CNTRL: variants seen among roughly 807,000 people sequenced by gnomAD.
The protein encoded by CNTRL is centriolin, also known as 110 kDa centrosomal protein.
CNTRL carries 233 observed loss-of-function variants against 303.7 expected under a neutral mutation model. The observed-to-expected ratio is 0.77, with a 90% CI of 0.69 to 0.86. The LOEUF (loss-of-function observed/expected upper bound fraction) is 0.86, where lower values mean the gene tolerates loss of function less well. Ranked by LOEUF, CNTRL falls within the 40% of genes least tolerant of loss-of-function variation. The probability of loss-of-function intolerance (pLI) is 0.00; values close to 1 mark genes in which losing one functional copy is unlikely to be tolerated. For synonymous variants in CNTRL, 900 were observed against 922.2 expected, an observed-to-expected ratio of 0.98 and a Z score of 0.44; for missense variants, 2,524 against 2,650.6, an observed-to-expected ratio of 0.95 and a Z score of 1.05.
chr9:121,125,593 A>G, intron 13 of CNTRL, 123 bp from the exon 14 acceptor site: 1 of 859,140 alleles, frequency 1.2e-6, no homozygotes, highest in Non-Finnish European at 1.8e-6. Context: ...ATGTTTTGAA[A>G]AAGAAAAATG....
intron 7 of CNTRL, 148 bp downstream of exon 7, chr9:121,098,720 G>C (rs2048995966): frequency 1.6e-6 from 1 of 618,076 alleles, no homozygotes; most frequent in Non-Finnish European, 2.7e-6. Flanking sequence ...AATATTTACT[G>C]AGTGTGTACT....
At chr9:121,122,482 C>A in intron 12 of CNTRL, 1 of 755,652 alleles carries the variant, frequency 1.3e-6, no homozygotes, top group Non-Finnish European at 1.6e-6. Flanking sequence ...GGGTCTTAGA[C>A]TTGAGATCAT....
At chr9:121,085,473 T>C (rs1181744614) in intron 2 of CNTRL, among the ~76,000 whole-genome samples, 3 of 152,326 alleles carry the variant, frequency 2.0e-5, no homozygotes, top group Non-Finnish European at 4.4e-5. Context: ...GTTGAAAGTA[T>C]GGTTTTTAAA....
At chr9:121,125,582 T>C (rs1470859977) in intron 13 of CNTRL, 134 bp from the exon 14 acceptor site, 2 of 751,860 alleles carry the variant, frequency 2.7e-6, no homozygotes. Context: ...AATTTAACAT[T>C]ATGTTTTGAA....
intron 4 of CNTRL, 21 bp from the exon 5 acceptor site, chr9:121,094,863 TATTC>T (rs777184489): frequency 6.6e-7 from 1 of 1,505,782 alleles, no homozygotes; most frequent in African/African-American, 1.4e-5. Flanking sequence ...TTGTGTAAAG[TATTC>T]ATTCATTTGT....
At chr9:121,147,887 C>T (rs980817340) in intron 23 of CNTRL, among the ~76,000 whole-genome samples, 4 of 152,100 alleles carry the variant, frequency 2.6e-5, no homozygotes, top group Admixed American at 1.3e-4. Flanking sequence ...AACATATAAG[C>T]CTGAGCTGGG....
Position 121,148,716 on chromosome 9 carries a change from C to T in CNTRL, c.3504C>T (p.Gly1168=). 1 of 1,614,080 alleles carries T rather than the reference C, an allele frequency of 6.2e-7. No individual in the cohort carries two copies. Among genetic ancestry groups the T allele is most frequent in the Non-Finnish European group, 8.5e-7 (1 of 1,179,970 alleles). ...SSQATKDSGV[G]LKYSASTPVR... Reference sequence around the variant, plus strand: ...AGGCCACCAAGGACTCTGGTGTTGGCCTTAAGTACTCAGCCTCAACTCCTG... The same window carrying T: ...AGGCCACCAAGGACTCTGGTGTTGGTCTTAAGTACTCAGCCTCAACTCCTG... Residue 1168 remains glycine, a synonymous_variant, in exon 24 of 44, where the codon GGC becomes GGT. Coordinates refer to ENST00000373855, the MANE Select transcript of CNTRL (RefSeq NM_007018.6).
chr9:121,118,889 A>G (rs1025511745), intron 12 of CNTRL, among the ~76,000 whole-genome samples: 1 of 152,216 alleles, frequency 6.6e-6, no homozygotes, highest in Non-Finnish European at 1.5e-5. Flanking sequence ...ATTTTAATAT[A>G]TAAGAGGATG....
At chr9:121,075,804 AG>A (rs2047899508) in intron 1 of CNTRL, among the ~76,000 whole-genome samples, 3 of 152,178 alleles carry the variant, frequency 2.0e-5, no homozygotes, top group South Asian at 2.1e-4. Flanking sequence ...AACTTGTATG[AG>A]GTTATCATCC....
At chr9:121,169,189 A>G (rs1452534033) in intron 38 of CNTRL, among the ~76,000 whole-genome samples, 1 of 152,254 alleles carries the variant, frequency 6.6e-6, no homozygotes, top group Non-Finnish European at 1.5e-5. Context: ...ATGCCAGTGT[A>G]GGAGCCAGCT....
At chr9:121,087,802 T>C (rs1322463008) in intron 2 of CNTRL, among the ~76,000 whole-genome samples, 1 of 151,648 alleles carries the variant, frequency 6.6e-6, no homozygotes, top group Non-Finnish European at 1.5e-5. Context: ...CAATGAGGAG[T>C]TCTGATGTTT....
At chr9:121,139,382 A>G (rs2051377276) in intron 16 of CNTRL, among the ~76,000 whole-genome samples, 1 of 152,166 alleles carries the variant, frequency 6.6e-6, no homozygotes, top group African/African-American at 2.4e-5. Context: ...CACCAGAAAT[A>G]AAAGGGCAGA....
chr9:121,152,388 TACC>T, intron 25 of CNTRL, 94 bp from the exon 26 acceptor site: 1 of 962,314 alleles, frequency 1.0e-6, no homozygotes, highest in South Asian at 1.5e-5. Context: ...GGGCCATTGA[TACC>T]ACTTTAACCA....
chr9:121,123,940 A>C lies in CNTRL; in HGVS notation c.1660A>C (p.Lys554Gln). ...DSKDPKHSHM[K>Q]AQKSGKEQQL... The stretch of plus-strand genomic sequence containing the variant: ...TTTTTTTTTAATTCAGTCCCATATG[A>C]AGGCTCAAAAGAGCGGTAAAGAACA... Residue 554 changes from lysine (K) to glutamine (Q), a missense_variant, in exon 13 of 44, where the codon AAG becomes CAG. Coordinates refer to ENST00000373855, the MANE Select transcript of CNTRL (RefSeq NM_007018.6). 2 of 1,593,076 alleles carry C rather than the reference A, an allele frequency of 1.3e-6. No homozygotes were observed. Among genetic ancestry groups the C allele is most frequent in the Non-Finnish European group, 1.7e-6 (2 of 1,172,896 alleles).
At chr9:121,090,683 G>A (rs2048529157) in intron 4 of CNTRL, among the ~76,000 whole-genome samples, 1 of 152,158 alleles carries the variant, frequency 6.6e-6, no homozygotes, top group South Asian at 2.1e-4. Context: ...AGTTTTATTG[G>A]AACACAGTCA....
intron 4 of CNTRL, among the ~76,000 whole-genome samples, chr9:121,092,605 A>G (rs1227155423): frequency 9.1e-5 from 1 of 10,958 alleles, no homozygotes; most frequent in African/African-American, 2.4e-4. Flanking sequence ...TATATAATAT[A>G]TATCTATATA....
Position 121,173,705 on chromosome 9 carries a change from G to A in CNTRL, c.6715G>A (p.Glu2239Lys), listed in dbSNP as rs1485660240. The A allele has an allele frequency of 3.7e-6, 6 of 1,614,028 alleles. No individual in the cohort carries two copies. The highest frequency in any genetic ancestry group is 5.1e-6 in the Non-Finnish European group (6 of 1,180,010). Residue 2239 changes from glutamate to lysine, a missense_variant, in exon 42 of 44, where the codon GAG becomes AAG. Glu to Lys is a moderately conservative substitution (Grantham distance 56, BLOSUM62 1). Coordinates refer to ENST00000373855, the MANE Select transcript of CNTRL (RefSeq NM_007018.6). ...ACACTGGCGTGGAGAAGCACTCCGG[G>A]AGAAACTGCGTCACCGGGAAGACCG... ...DEHWRGEALREKLRHREDRLK... is the reference protein window; with the variant it reads ...DEHWRGEALRKKLRHREDRLK...
At chr9:121,129,361 G>A (rs2050722643) in intron 14 of CNTRL, among the ~76,000 whole-genome samples, 1 of 152,132 alleles carries the variant, frequency 6.6e-6, no homozygotes, top group Non-Finnish European at 1.5e-5. Flanking sequence ...CACATCCCTT[G>A]TAAGTTGGAT....
Position 121,118,503 on chromosome 9 carries a change from T to C in CNTRL, c.1613T>C (p.Ile538Thr). Residue 538 changes from isoleucine to threonine, a missense_variant, in exon 12 of 44, where the codon ATA becomes ACA. By Grantham distance (89) the Ile-to-Thr change is moderately conservative (BLOSUM62 -1). Coordinates refer to ENST00000373855, the MANE Select transcript of CNTRL (RefSeq NM_007018.6). ...GKQKEIKDLQ[I>T]AIDSLDSKDP... ...CAGAAGGAGATTAAGGACCTGCAAATAGCCATAGATAGCCTGGATTCCAAA... is the reference window on the plus strand; with the variant it reads ...CAGAAGGAGATTAAGGACCTGCAAACAGCCATAGATAGCCTGGATTCCAAA... 1 of 1,601,832 alleles carries C rather than the reference T, an allele frequency of 6.2e-7. No homozygotes were observed. The highest frequency in any genetic ancestry group is 8.5e-7 in the Non-Finnish European group (1 of 1,174,552).
Sources: gnomAD v4.1 joint callset for allele counts (sites outside exome capture counted in the v4.1 genomes callset) on GRCh38, gnomAD v4.1.1 for gene constraint, MANE v1.5 for transcripts, NCBI Gene and HGNC (gene_info 2026-07-23, HGNC 2026-07-21) for gene names.